The following PARVG variants were observed in gnomAD, a reference collection of about 807,000 sequenced individuals.
The protein encoded by PARVG is parvin gamma, also known as gamma-parvin.
In PARVG, 36 loss-of-function variants were observed where a neutral mutation model predicts 44.4. The observed-to-expected ratio is 0.81, with a 90% confidence interval of 0.62 to 1.07. The LOEUF (loss-of-function observed/expected upper bound fraction) is 1.07, where lower values mean the gene tolerates loss of function less well. Among genes scored for constraint, PARVG ranks in the 50% least tolerant of loss-of-function variants. The pLI, the probability that PARVG is intolerant of heterozygous loss-of-function variation, is 0.00. For missense variants in PARVG, 407 were observed against 407.4 expected (o/e 1.00, Z 0.01); for synonymous variants, 170 against 174.1 (o/e 0.98, Z 0.19).
chr22:44,179,276 G>A (rs1263313969), upstream of PARVG, among the ~76,000 whole-genome samples: 1 of 152,176 alleles, frequency 6.6e-6, no homozygotes, highest in Non-Finnish European at 1.5e-5. The surrounding 1 kb of genome is among the most constrained non-coding windows in gnomAD (Gnocchi z 4.2). Flanking sequence ...AAGAGGCTTT[G>A]TGAGTTGTGG....
At position 44,182,771 on chromosome 22, in the gene PARVG, G is replaced by A. The variant is rs2054401530; in HGVS notation, c.-12-547G>A. On this transcript the variant is annotated intron_variant, in intron 2 of 13. Transcript: ENST00000444313. This position sits in a 1 kb window ranked among gnomAD's most constrained non-coding sequence, Gnocchi z 4.6. ...TCTGCCCCTGTCCCGGGCATGTGGT[G>A]AGCCCAGCCTTCTGCCTGTAATGAG... is the stretch of plus-strand genomic sequence containing the variant. 6.6e-6 allele frequency among the ~76,000 whole-genome samples: 1 copy of A among 152,212 alleles called. No individual in the cohort carries two copies. Among genetic ancestry groups the A allele is most frequent in the South Asian group, 2.1e-4 (1 of 4,832 alleles).
chr22:44,191,388 ATTTTT>A (rs35954868), intron 7 of PARVG, among the ~76,000 whole-genome samples: 20 of 63,466 alleles, frequency 3.2e-4, no homozygotes, highest in African/African-American at 1.1e-3. Context: ...AGTCATTTCT[ATTTTT>A]TTTTTTTTTT....
At chr22:44,202,963 C>A (rs1020374286) in intron 12 of PARVG, among the ~76,000 whole-genome samples, 1 of 152,168 alleles carries the variant, frequency 6.6e-6, no homozygotes, top group African/African-American at 2.4e-5. Flanking sequence ...CGGGTTGTAA[C>A]CTTCTCTCAG....
intron 1 of PARVG, among the ~76,000 whole-genome samples, chr22:44,174,644 G>A (rs532663343): frequency 6.6e-6 from 1 of 152,224 alleles, no homozygotes; most frequent in African/African-American, 2.4e-5. Context: ...TCTAAGGCAT[G>A]AGAATCACTT....
Position 44,206,609 on chromosome 22 carries a change from G to A in PARVG, c.*183G>A, listed in dbSNP as rs765833233. On this transcript the variant is annotated 3_prime_UTR_variant, in exon 14 of 14. Coordinates refer to ENST00000444313, the MANE Select transcript of PARVG (RefSeq NM_022141.7). ...CCCCTTGTGTGGATCATTTTGAGCC[G>A]CCTGGCCTTGCTCAGTTTATTTTAA... 20 of 610,618 alleles carry A rather than the reference G, an allele frequency of 3.3e-5. No individual in the cohort carries two copies. The highest frequency in any genetic ancestry group is 3.1e-4 in the South Asian group (16 of 51,484). 37.8% of individuals were successfully genotyped at this position (610,618 alleles called of 1,614,324 possible). A position where few individuals can be genotyped will look rare whatever the true frequency, so the allele number is the denominator to read the frequency against.
chr22:44,196,531 G>A, intron 11 of PARVG, 116 bp downstream of exon 11: 1 of 1,239,812 alleles, frequency 8.1e-7, no homozygotes, highest in South Asian at 1.3e-5. Context: ...TCACCTCTTG[G>A]AGCCTTAGGG....
intron 11 of PARVG, among the ~76,000 whole-genome samples, chr22:44,197,583 A>G (rs2054635841): frequency 6.6e-6 from 1 of 152,196 alleles, no homozygotes; most frequent in Non-Finnish European, 1.5e-5. Context: ...CTCTGTAGCC[A>G]GACAGACACA....
At chr22:44,196,905 A>G (rs2054626001) in intron 11 of PARVG, among the ~76,000 whole-genome samples, 1 of 152,168 alleles carries the variant, frequency 6.6e-6, no homozygotes, top group Non-Finnish European at 1.5e-5. Context: ...CAGGAGCAGG[A>G]GCAGAATCTC....
rs766457876 is a variant in PARVG, at chr22:44,190,619, G to T, written c.457G>T (p.Asp153Tyr). The change falls in exon 7 of 14, where the codon GAC becomes TAC. Residue 153 changes from aspartate to tyrosine, a missense_variant. By Grantham distance (160) the Asp-to-Tyr change is radical. Coordinates refer to ENST00000444313, the MANE Select transcript of PARVG (RefSeq NM_022141.7). ...GGCCCTGGCCAAGCGCTTCCAGCCC[G>T]ACCTCTCCCTCCCAACCAACGTCCA... ...LVALAKRFQP[D>Y]LSLPTNVQVE... The T allele has an allele frequency of 2.5e-6, 4 of 1,613,986 alleles. No homozygotes were observed. The African/African-American group carries it at 4.0e-5, about 16-fold the overall frequency.
At position 44,183,337 on chromosome 22, in the gene PARVG, C is replaced by T. The variant is rs151073525; in HGVS notation, c.8C>T (p.Pro3Leu). Residue 3 changes from proline to leucine, a missense_variant, in exon 3 of 14, where the codon CCG (proline) becomes CTG (leucine). By Grantham distance (98) the Pro-to-Leu change is moderately conservative. Coordinates refer to ENST00000444313, the MANE Select transcript of PARVG (RefSeq NM_022141.7). Reference protein sequence around the residue: MEPEFLYDLLQLP... With the variant: MELEFLYDLLQLP... ...GTGCAGGCTTGGGAGGCGATGGAGC[C>T]GGAGTTCTTGTACGACCTGCTGCAG... 1.2e-5 allele frequency: 20 copies of T among 1,609,480 alleles called. No individual in the cohort carries two copies. The highest frequency in any genetic ancestry group is 4.5e-5 in the East Asian group (2 of 44,722).
At chr22:44,174,604 C>T (rs900457550) in intron 1 of PARVG, among the ~76,000 whole-genome samples, 5 of 151,686 alleles carry the variant, frequency 3.3e-5, no homozygotes, top group Non-Finnish European at 5.9e-5. Context: ...GGCATGGTGG[C>T]GCACACCTGT....
chr22:44,174,216 G>T (rs538537517), intron 1 of PARVG, among the ~76,000 whole-genome samples: 1 of 152,104 alleles, frequency 6.6e-6, no homozygotes, highest in Admixed American at 6.6e-5. Context: ...GGGCAGGGGA[G>T]TGAGAGGGAA....
In PARVG at chr22:44,182,485, C is replaced by CACCCA. The variant is rs2054397327; in HGVS notation, c.-13+568_-13+569insACCCA. On this transcript the variant is annotated intron_variant, in intron 2 of 13. Transcript: ENST00000444313. The surrounding 1 kb of genome is among the most constrained non-coding windows in gnomAD (Gnocchi z 4.6). ...TCTGGCATCCCCCGCCCCAGGCTGG[C>CACCCA]TGCTGGTGTGACATGGGTGGCTCCA... 6.6e-6 allele frequency among the ~76,000 whole-genome samples: 1 copy of CACCCA among 152,178 alleles called. No homozygotes were observed.
intron 4 of PARVG, chr22:44,186,431 C>T (rs1601731525): frequency 2.5e-6 from 1 of 395,802 alleles, no homozygotes; most frequent in East Asian, 7.3e-5. Context: ...TCTGTGTCTC[C>T]AGTCTCCACA....
At chr22:44,180,613 T>C (rs1284650522), upstream of PARVG, among the ~76,000 whole-genome samples, 1 of 152,176 alleles carries the variant, frequency 6.6e-6, no homozygotes, top group Non-Finnish European at 1.5e-5. Context: ...CTCAGTGTCT[T>C]CCTCTGTAAT....
chr22:44,201,393 C>A (rs924372275), intron 12 of PARVG, among the ~76,000 whole-genome samples: 2 of 152,228 alleles, frequency 1.3e-5, no homozygotes, highest in Non-Finnish European at 1.5e-5. Flanking sequence ...GGCAGCCTCA[C>A]ACCAGCACAG....
chr22:44,183,300 C>G lies in PARVG; in HGVS notation c.-12-18C>G. On this transcript the variant is annotated intron_variant, in intron 2 of 13. Coordinates refer to ENST00000444313, the MANE Select transcript of PARVG (RefSeq NM_022141.7). ...GGCTTCTCAGACCGTGACGCCCTCT[C>G]CTGCCTCCTCTGTGCAGGCTTGGGA... 1.3e-6 allele frequency: 2 copies of G among 1,591,398 alleles called. No homozygotes were observed. The highest frequency in any genetic ancestry group is 3.6e-5 in the Admixed American group (2 of 55,362).
intron 12 of PARVG, among the ~76,000 whole-genome samples, chr22:44,201,681 G>A (rs922065625): frequency 6.6e-6 from 1 of 152,218 alleles, no homozygotes; most frequent in Admixed American, 6.5e-5. Flanking sequence ...GAAAACCTAG[G>A]GGCTGAAAAC....
chr22:44,187,868 C>G lies in PARVG; in HGVS notation c.237C>G (p.His79Gln), dbSNP rs748206302. ...EEDMFDGLIL[H>Q]HLFQRLAALK... ...ACATGTTCGACGGGCTCATCCTACACCACCTATTCCGTAAGTGGCTGTTTC... is the reference window on the plus strand; with the variant it reads ...ACATGTTCGACGGGCTCATCCTACAGCACCTATTCCGTAAGTGGCTGTTTC... Residue 79 changes from histidine (H) to glutamine (Q), a missense_variant, in exon 5 of 14, where the codon CAC becomes CAG. Coordinates refer to ENST00000444313, the MANE Select transcript of PARVG (RefSeq NM_022141.7). 5 of 1,614,214 alleles carry G rather than the reference C, an allele frequency of 3.1e-6. No individual in the cohort carries two copies. The South Asian group carries it at 5.5e-5, about 18-fold the overall frequency.
Sources: gnomAD v4.1 joint callset for allele counts (sites outside exome capture counted in the v4.1 genomes callset) on GRCh38, gnomAD v4.1.1 for gene constraint, Gnocchi (gnomAD v3.1) non-coding constraint, MANE v1.5 for transcripts, NCBI Gene and HGNC (gene_info 2026-07-23, HGNC 2026-07-21) for gene names.